The following COL27A1 variants were observed in gnomAD, a reference collection of about 807,000 sequenced individuals.
COL27A1 encodes the protein collagen alpha-1(XXVII) chain.
COL27A1 carries 106 observed loss-of-function variants against 251.3 expected under a neutral mutation model. The observed-to-expected ratio is 0.42, with a 90% CI of 0.36 to 0.50. The LOEUF is 0.50. COL27A1 is among the 20% of genes least tolerant of loss of function. COL27A1 has a pLI of 0.00. For synonymous variants in COL27A1, 1,000 were observed against 986.3 expected (o/e 1.01, Z -0.26); for missense variants, 2,325 against 2,522.8 (o/e 0.92, Z 1.68).
At chr9:114,293,445 A>T (rs1828049916) in intron 49 of COL27A1, among the ~76,000 whole-genome samples, 1 of 152,130 alleles carries the variant, frequency 6.6e-6, no homozygotes, top group African/African-American at 2.4e-5. Flanking sequence ...GTCTCAAATA[A>T]ATGGTCTCGG....
At chr9:114,227,200 A>G (rs871877) in intron 14 of COL27A1, among the ~76,000 whole-genome samples, 104,277 of 151,582 alleles carry the variant, frequency 0.69, 37,723 homozygotes, top group South Asian at 0.85. Flanking sequence ...TAGCCTCCGG[A>G]GGTCCACTGG....
chr9:114,219,843 C>T lies in COL27A1; in HGVS notation c.2420C>T (p.Pro807Leu), dbSNP rs1270403790. The T allele has an allele frequency of 1.9e-6, 3 of 1,607,402 alleles. No individual in the cohort carries two copies. The highest frequency in any genetic ancestry group is 2.2e-5 in the South Asian group (2 of 90,918). The change falls in exon 13 of 61, where the codon CCT (proline) becomes CTT (leucine). Residue 807 changes from proline to leucine, a missense_variant and splice_region_variant. This residue lies in a region of COL27A1 where 1,183 missense variants were observed against 1,144.1 expected (regional missense o/e 1.03). Coordinates refer to ENST00000356083, the MANE Select transcript of COL27A1 (RefSeq NM_032888.4). ...GGCCCTCCTGGACTGGATGGAAATC[C>T]TGTGAGTATTTCAAGTCTTTGGGAA... is the stretch of plus-strand genomic sequence containing the variant. ...ERGPPGLDGNPGELGLPGPPG... is the reference protein window; with the variant it reads ...ERGPPGLDGNLGELGLPGPPG...
chr9:114,169,461 C>A lies in COL27A1; in HGVS notation c.1906C>A (p.Pro636Thr). 6.6e-7 allele frequency: 1 copy of A among 1,525,258 alleles called. No individual in the cohort carries two copies. 94.5% of individuals were successfully genotyped at this position (1,525,258 alleles called of 1,614,324 possible). A position where few individuals can be genotyped will look rare whatever the true frequency, so the allele number is the denominator to read the frequency against. ...PPGPKGDCGL[P>T]GPPGLPGLPG... is the part of the protein sequence containing the mutation. Reference sequence around the variant, plus strand: ...GGGACCCAAGGGAGACTGTGGCTTGCCGGTAAGACTGAGTGGGGTCTGCAT... The same window carrying A: ...GGGACCCAAGGGAGACTGTGGCTTGACGGTAAGACTGAGTGGGGTCTGCAT... Residue 636 changes from proline to threonine, a missense_variant and splice_region_variant, in exon 3 of 61, where the codon CCG becomes ACG. Physicochemically the swap from Pro to Thr is conservative, Grantham distance 38 (BLOSUM62 -1). Transcript: ENST00000356083.
chr9:114,283,266 T>C (rs1313110088), intron 39 of COL27A1, among the ~76,000 whole-genome samples: 1 of 152,174 alleles, frequency 6.6e-6, no homozygotes, highest in African/African-American at 2.4e-5. Context: ...TTAGGCAGTA[T>C]TTCCACCAAC....
intron 10 of COL27A1, chr9:114,209,420 A>T: frequency 1.3e-6 from 1 of 749,658 alleles, no homozygotes; most frequent in South Asian, 1.4e-5. Flanking sequence ...CCTGCCGGCG[A>T]GCGCCTGCGC....
chr9:114,155,955 G>C lies in COL27A1; in HGVS notation c.5G>C (p.Gly2Ala), dbSNP rs1017570141. The change falls in exon 1 of 61, where the codon GGA (glycine) becomes GCA (alanine). Residue 2 changes from glycine to alanine, a missense_variant. Transcript: ENST00000356083. The surrounding 1 kb of genome is among the most constrained non-coding windows in gnomAD (Gnocchi z 5.5). ...AGCATGAAGTAGGGGCCTGCCATGG[G>C]AGCGGGATCGGCGCGGGGGGCCCGA... is the stretch of plus-strand genomic sequence containing the variant. M[G>A]AGSARGARGT... 4.7e-6 allele frequency: 6 copies of C among 1,277,312 alleles called. No homozygotes were observed. The highest frequency in any genetic ancestry group is 5.9e-6 in the Non-Finnish European group (6 of 1,008,786). 79.1% of individuals were successfully genotyped at this position (1,277,312 alleles called of 1,614,324 possible).
intron 3 of COL27A1, among the ~76,000 whole-genome samples, chr9:114,176,404 G>T (rs1489046728): frequency 6.6e-6 from 1 of 152,178 alleles, no homozygotes. Context: ...TTAATTGGGT[G>T]CCAGACACCA....
At chr9:114,303,236 TCTTTTC>T (rs775552067) in intron 56 of COL27A1, among the ~76,000 whole-genome samples, 1 of 142,608 alleles carries the variant, frequency 7.0e-6, no homozygotes, top group Admixed American at 7.2e-5. Flanking sequence ...TCTTTTTTTT[TCTTTTC>T]TTTTTTTTTT....
intron 31 of COL27A1, 146 bp downstream of exon 31, chr9:114,265,256 C>G (rs1309431370): frequency 9.1e-7 from 1 of 1,103,044 alleles, no homozygotes; most frequent in African/African-American, 1.6e-5. Flanking sequence ...CTGCCCTGCA[C>G]TGAAGCTCCT....
chr9:114,220,335 G>A (rs921449839), intron 13 of COL27A1, among the ~76,000 whole-genome samples: 1 of 152,202 alleles, frequency 6.6e-6, no homozygotes, highest in Non-Finnish European at 1.5e-5. Flanking sequence ...GAGGAGCCAG[G>A]TCAGCCTGCC....
chr9:114,264,851 T>A, intron 29 of COL27A1, 73 bp from the exon 30 acceptor site: 1 of 1,503,650 alleles, frequency 6.7e-7, no homozygotes, highest in East Asian at 2.3e-5. Flanking sequence ...ATCTCCCATG[T>A]GGAGGGGTCC....
intron 36 of COL27A1, chr9:114,272,698 A>G (rs1247594572): frequency 6.6e-6 from 1 of 152,212 alleles, no homozygotes; most frequent in Non-Finnish European, 1.5e-5. Context: ...AGCTATTTAC[A>G]TGGTTTATCT....
At position 114,177,068 on chromosome 9, in the gene COL27A1, A is replaced by T. The variant is rs188216047; in HGVS notation, c.1909-1223A>T. 5.9e-5 allele frequency among the ~76,000 whole-genome samples: 9 copies of T among 152,346 alleles called. No homozygotes were observed. The South Asian group carries it at 1.7e-3, about 28-fold the overall frequency. On this transcript the variant is annotated intron_variant, in intron 3 of 60. Transcript: ENST00000356083. ...GGCTTCCTTCAAAGGCTGCAGGCACAGTTCTTCACATCAGGCGCTTAGTTA... is the reference window on the plus strand; with the variant it reads ...GGCTTCCTTCAAAGGCTGCAGGCACTGTTCTTCACATCAGGCGCTTAGTTA...
In COL27A1 at chr9:114,168,450, AAGCCCCAAAGGACT is replaced by A; in HGVS notation, c.903_916del (p.Gln301HisfsTer26). 1 of 1,613,854 alleles carries A rather than the reference AAGCCCCAAAGGACT, an allele frequency of 6.2e-7. No individual in the cohort carries two copies. Among genetic ancestry groups the A allele is most frequent in the Non-Finnish European group, 8.5e-7 (1 of 1,179,916 alleles). On this transcript the variant is annotated frameshift_variant, in exon 3 of 61. Coordinates refer to ENST00000356083, the MANE Select transcript of COL27A1 (RefSeq NM_032888.4). LOFTEE classifies it high-confidence loss of function. ...GACTGTGGCACCCGCCACGCCCACCAAGCCCCAAAGGACTAGCCCCACAAACCCTCACCAGCATA... is the reference window on the plus strand; with the variant it reads ...GACTGTGGCACCCGCCACGCCCACCAAGCCCCACAAACCCTCACCAGCATA...
chr9:114,257,464 C>T (rs1834129690), intron 27 of COL27A1, among the ~76,000 whole-genome samples: 2 of 152,154 alleles, frequency 1.3e-5, no homozygotes, highest in Admixed American at 1.3e-4. Flanking sequence ...TCATGTGCTC[C>T]TTGTTCATTC....
chr9:114,207,104 G>A (rs775505791), intron 10 of COL27A1, among the ~76,000 whole-genome samples: 31 of 152,232 alleles, frequency 2.0e-4, no homozygotes, highest in Admixed American at 7.2e-4. Flanking sequence ...CAAGTCTTCC[G>A]AGGCCTGGAC....
intron 39 of COL27A1, 127 bp downstream of exon 39, chr9:114,282,691 C>A: frequency 1.6e-6 from 1 of 617,568 alleles, no homozygotes; most frequent in South Asian, 2.3e-5. Flanking sequence ...ACACCTGGTG[C>A]TCATTGCCCC....
intron 3 of COL27A1, 146 bp from the exon 4 acceptor site, chr9:114,178,145 C>T (rs1827614995): frequency 3.3e-6 from 2 of 612,084 alleles, no homozygotes; most frequent in South Asian, 2.4e-5. Flanking sequence ...ATGAATTTCT[C>T]AGGGCAGGGA....
At chr9:114,187,362 G>C (rs997005234) in intron 5 of COL27A1, among the ~76,000 whole-genome samples, 1 of 152,214 alleles carries the variant, frequency 6.6e-6, no homozygotes, top group Non-Finnish European at 1.5e-5. Flanking sequence ...TGAGCTATCT[G>C]TAGTGGTCCT....
Sources: allele counts gnomAD v4.1 joint callset (sites outside exome capture counted in the v4.1 genomes callset), GRCh38; gene constraint gnomAD v4.1.1; regional missense constraint gnomAD v4.1.1; non-coding constraint Gnocchi (gnomAD v3.1); transcripts MANE v1.5; gene names NCBI Gene and HGNC (gene_info 2026-07-23, HGNC 2026-07-21).